MAML3: variants seen among roughly 807,000 people sequenced by gnomAD.
The protein encoded by MAML3 is mastermind-like protein 3.
Under a neutral mutation model 101.9 loss-of-function variants are expected in MAML3, and 27 were observed. The observed-to-expected ratio is 0.27, with a 90% CI of 0.20 to 0.37. The LOEUF is 0.37. MAML3 is among the 10% of genes least tolerant of loss of function. The pLI, the probability that MAML3 is intolerant of heterozygous loss-of-function variation, is 1.00. For missense variants in MAML3, 1,316 were observed against 1,444.9 expected (o/e 0.91, Z 1.45); for synonymous variants, 501 against 555.9 (o/e 0.90, Z 1.39).
At chr4:139,734,927 C>T (rs1023288699) in intron 2 of MAML3, among the ~76,000 whole-genome samples, 2 of 152,232 alleles carry the variant, frequency 1.3e-5, no homozygotes, top group Non-Finnish European at 2.9e-5. Flanking sequence ...TTCCAGGCGT[C>T]CCTCGCCGGG....
At chr4:139,766,656 C>A (rs1311893790) in intron 2 of MAML3, among the ~76,000 whole-genome samples, 5 of 152,216 alleles carry the variant, frequency 3.3e-5, no homozygotes, top group Admixed American at 3.3e-4. Flanking sequence ...CGGCTCAGAT[C>A]TTCTCCTTCT....
intron 1 of MAML3, among the ~76,000 whole-genome samples, chr4:139,961,768 A>AT (rs1734019072): frequency 5.3e-5 from 8 of 152,168 alleles, no homozygotes. Flanking sequence ...AGGAAGTAAA[A>AT]TGAGTCTCCA....
intron 2 of MAML3, chr4:139,888,595 T>G (rs1311495498): frequency 1.9e-6 from 1 of 518,938 alleles, no homozygotes; most frequent in African/African-American, 1.9e-5. Flanking sequence ...CCCGACTGGT[T>G]GCTGCTCATT....
In MAML3 at chr4:139,719,728, C is replaced by G; in HGVS notation, c.3012G>C (p.Gln1004His). The G allele has an allele frequency of 6.2e-7, 1 of 1,613,742 alleles. No individual in the cohort carries two copies. The highest frequency in any genetic ancestry group is 8.5e-7 in the Non-Finnish European group (1 of 1,179,820). Residue 1004 changes from glutamine (Q) to histidine (H), a missense_variant, in exon 5 of 5, where the codon CAG (glutamine) becomes CAC (histidine). Physicochemically the swap from Gln to His is conservative, Grantham distance 24. Coordinates refer to ENST00000509479, the MANE Select transcript of MAML3 (RefSeq NM_018717.5). Reference sequence around the variant, plus strand: ...CATCCACGACTGACTGGCTCAGTCCCTGTGGGAAGTGCTGCTTGGTCAGTC... The same window carrying G: ...CATCCACGACTGACTGGCTCAGTCCGTGTGGGAAGTGCTGCTTGGTCAGTC... ...QPRLTKQHFP[Q>H]GLSQSVVDAN...
intron 1 of MAML3, among the ~76,000 whole-genome samples, chr4:140,095,602 T>TCTTGC (rs1286893969): frequency 6.6e-6 from 1 of 152,086 alleles, no homozygotes; most frequent in Admixed American, 6.6e-5. Flanking sequence ...TCACTGCCCT[T>TCTTGC]CTTGCCCCCT....
intron 1 of MAML3, among the ~76,000 whole-genome samples, chr4:140,056,373 T>TA (rs201996984): frequency 6.7e-6 from 1 of 150,128 alleles, no homozygotes; most frequent in African/African-American, 2.4e-5. Flanking sequence ...TTTTTTTTTT[T>TA]AAAGACAGAG....
At position 140,101,797 on chromosome 4, in the gene MAML3, T is replaced by C. The variant is rs527376316; in HGVS notation, c.468+51063A>G. Among the ~76,000 whole-genome samples, 4 of 151,960 alleles carry C rather than the reference T, an allele frequency of 2.6e-5. No individual in the cohort carries two copies. In the South Asian group the frequency reaches 8.3e-4, roughly 31 times the overall value. On this transcript the variant is annotated intron_variant, in intron 1 of 4. Transcript: ENST00000509479. ...ATTTTGCAAATATGTTATTCCACTA[T>C]ATAAAATAGCCTAAATTAGTAAATG...
chr4:139,951,869 C>G (rs984003322), intron 1 of MAML3, among the ~76,000 whole-genome samples: 1 of 151,748 alleles, frequency 6.6e-6, no homozygotes, highest in Non-Finnish European at 1.5e-5. Context: ...TTAAAGCTTA[C>G]GAAGGGCTAT....
chr4:139,761,031 T>G (rs1375393093), intron 2 of MAML3, among the ~76,000 whole-genome samples: 3 of 152,176 alleles, frequency 2.0e-5, no homozygotes, highest in Non-Finnish European at 4.4e-5. Context: ...CAATCTCGGC[T>G]CACTGCAACC....
At chr4:139,754,557 T>C (rs565153965) in intron 2 of MAML3, among the ~76,000 whole-genome samples, 31 of 152,248 alleles carry the variant, frequency 2.0e-4, no homozygotes, top group Non-Finnish European at 4.1e-4. Flanking sequence ...TGAACATTCT[T>C]GTACATAAAC....
intron 1 of MAML3, among the ~76,000 whole-genome samples, chr4:140,085,079 C>G (rs1289647891): frequency 6.6e-6 from 1 of 152,118 alleles, no homozygotes; most frequent in Non-Finnish European, 1.5e-5. Context: ...GTATCTGCCC[C>G]CAGACCACAG....
At chr4:139,998,443 T>A (rs1429126456) in intron 1 of MAML3, among the ~76,000 whole-genome samples, 1 of 152,238 alleles carries the variant, frequency 6.6e-6, no homozygotes, top group African/African-American at 2.4e-5. Flanking sequence ...GCTTTAAACA[T>A]GGTTTCTTCC....
At chr4:139,856,438 A>T (rs1259938281) in intron 2 of MAML3, among the ~76,000 whole-genome samples, 23 of 152,202 alleles carry the variant, frequency 1.5e-4, no homozygotes. Flanking sequence ...GACTGACTTT[A>T]ACTCTCTCCT....
chr4:140,018,258 A>C (rs144135222), intron 1 of MAML3, among the ~76,000 whole-genome samples: 52 of 151,892 alleles, frequency 3.4e-4, no homozygotes, highest in African/African-American at 1.2e-3. Flanking sequence ...TGTATAACGC[A>C]TAATAAAAAA....
At chr4:139,822,845 C>T (rs796652985) in intron 2 of MAML3, among the ~76,000 whole-genome samples, 1 of 152,164 alleles carries the variant, frequency 6.6e-6, no homozygotes, top group African/African-American at 2.4e-5. Flanking sequence ...TTGATGACAT[C>T]GTTTTTACCA....
intron 2 of MAML3, among the ~76,000 whole-genome samples, chr4:139,746,567 C>T (rs1578574681): frequency 6.6e-6 from 1 of 152,158 alleles, no homozygotes. Context: ...CTTCTAATCC[C>T]AGGGAGGGGC....
chr4:139,859,065 G>A (rs1349715709), intron 2 of MAML3, among the ~76,000 whole-genome samples: 2 of 152,016 alleles, frequency 1.3e-5, no homozygotes, highest in Non-Finnish European at 2.9e-5. Context: ...AATATCAAAA[G>A]GCAGCCCAAG....
chr4:139,856,653 A>G (rs1731669048), intron 2 of MAML3, among the ~76,000 whole-genome samples: 1 of 152,238 alleles, frequency 6.6e-6, no homozygotes, highest in Admixed American at 6.5e-5. Flanking sequence ...GAAGCCACAC[A>G]TAAGCCCTGA....
chr4:140,014,170 A>G (rs1371404353), intron 1 of MAML3, among the ~76,000 whole-genome samples: 1 of 152,214 alleles, frequency 6.6e-6, no homozygotes, highest in Non-Finnish European at 1.5e-5. Flanking sequence ...ATCATCTAAC[A>G]CTATTCTGAC....
Sources: allele counts gnomAD v4.1 joint callset (sites outside exome capture counted in the v4.1 genomes callset), GRCh38; gene constraint gnomAD v4.1.1; transcripts MANE v1.5; gene names NCBI Gene and HGNC (gene_info 2026-07-23, HGNC 2026-07-21).